RUNX2: variants seen among roughly 807,000 people sequenced by gnomAD.
RUNX2 encodes the protein runt-related transcription factor 2.
RUNX2 carries 10 observed loss-of-function variants against 51.7 expected under a neutral mutation model. The observed-to-expected ratio is 0.19, with a 90% CI of 0.12 to 0.33. The LOEUF (loss-of-function observed/expected upper bound fraction) is 0.33. Ranked by LOEUF, RUNX2 falls within the 10% of genes least tolerant of loss-of-function variation. The probability of loss-of-function intolerance (pLI) is 1.00; values close to 1 mark genes in which losing one functional copy is unlikely to be tolerated. For missense variants in RUNX2, 562 were observed against 691.3 expected (o/e 0.81, Z 2.10); for synonymous variants, 276 against 273.6 (o/e 1.01, Z -0.09).
At chr6:45,394,399 A>G (rs1354621962) in intron 2 of RUNX2, among the ~76,000 whole-genome samples, 1 of 152,166 alleles carries the variant, frequency 6.6e-6, no homozygotes, top group Non-Finnish European at 1.5e-5. Context: ...GCCATATCAA[A>G]TGTCCTCTAG....
chr6:45,545,435 A>G (rs959988268), intron 8 of RUNX2, among the ~76,000 whole-genome samples, 153 bp downstream of exon 8: 1 of 152,218 alleles, frequency 6.6e-6, no homozygotes, highest in African/African-American at 2.4e-5. Flanking sequence ...TAACCCTTGC[A>G]TTTTGTGAAG....
chr6:45,389,200 A>G (rs1192572522), intron 2 of RUNX2, among the ~76,000 whole-genome samples: 1 of 152,268 alleles, frequency 6.6e-6, no homozygotes, highest in African/African-American at 2.4e-5. Flanking sequence ...TTTCTCTTCA[A>G]TAGAACACAT....
chr6:45,355,154 T>TA (rs1220060302), intron 2 of RUNX2, among the ~76,000 whole-genome samples: 2 of 150,454 alleles, frequency 1.3e-5, no homozygotes, highest in African/African-American at 2.4e-5. Context: ...TTTTTTTTTT[T>TA]AGAGATGGGG....
intron 2 of RUNX2, among the ~76,000 whole-genome samples, chr6:45,389,903 G>T (rs1313112091): frequency 6.6e-6 from 1 of 151,988 alleles, no homozygotes; most frequent in Admixed American, 6.6e-5. Flanking sequence ...CTGCTTGGGA[G>T]GTTGAGGCAC....
At chr6:45,362,531 A>T (rs1470865324) in intron 2 of RUNX2, among the ~76,000 whole-genome samples, 1 of 152,216 alleles carries the variant, frequency 6.6e-6, no homozygotes, top group African/African-American at 2.4e-5. Context: ...TACAATCAAA[A>T]GCCTAAAAAT....
chr6:45,540,367 T>C (rs1196309365), intron 7 of RUNX2, among the ~76,000 whole-genome samples: 4 of 152,162 alleles, frequency 2.6e-5, no homozygotes, highest in Non-Finnish European at 5.9e-5. Flanking sequence ...TTTCATAGAA[T>C]GCAGATCTCA....
intron 5 of RUNX2, among the ~76,000 whole-genome samples, chr6:45,451,355 T>C (rs1799165578): frequency 6.6e-6 from 1 of 152,202 alleles, no homozygotes; most frequent in Non-Finnish European, 1.5e-5. Flanking sequence ...AGCTGTAGGC[T>C]ACCTATATAA....
rs1158008972 is a variant in RUNX2, at chr6:45,492,019, C to A, written c.764C>A (p.Pro255His). The A allele has an allele frequency of 2.5e-6, 4 of 1,613,892 alleles. No homozygotes were observed. The highest frequency in any genetic ancestry group is 3.4e-6 in the Non-Finnish European group (4 of 1,179,918). Reference sequence around the variant, plus strand: ...AGTGATTTAGGGCGCATTCCTCATCCCAGTATGAGAGTAGGTGTCCCGCCT... The same window carrying A: ...AGTGATTTAGGGCGCATTCCTCATCACAGTATGAGAGTAGGTGTCCCGCCT... ...RLSDLGRIPH[P>H]SMRVGVPPQN... The change falls in exon 6 of 9, where the codon CCC (proline) becomes CAC (histidine). Residue 255 changes from proline (P) to histidine (H), a missense_variant. Physicochemically the swap from Pro to His is moderately conservative, Grantham distance 77. Coordinates refer to ENST00000647337, the MANE Select transcript of RUNX2 (RefSeq NM_001024630.4).
chr6:45,478,409 T>C (rs1439562990), intron 5 of RUNX2, among the ~76,000 whole-genome samples: 1 of 152,196 alleles, frequency 6.6e-6, no homozygotes, highest in Non-Finnish European at 1.5e-5. Context: ...ATACTTTGTT[T>C]TTTTCTGACA....
chr6:45,403,120 TAA>T (rs1224271727), intron 2 of RUNX2, among the ~76,000 whole-genome samples: 5 of 151,968 alleles, frequency 3.3e-5, no homozygotes, highest in Admixed American at 2.6e-4. Context: ...TTCATTACAT[TAA>T]GTTTGTTATT....
rs767115139 is a variant in RUNX2, at chr6:45,328,398, T to C, written c.-129T>C. On this transcript the variant is annotated 5_prime_UTR_variant, in exon 1 of 9. Transcript: ENST00000647337. ...CTTTCTCCAGGAGGACAGCAAGAAG[T>C]CTCTGGTTTTTAAATGGTTAATCTC... The C allele has an allele frequency of 7.1e-7, 1 of 1,410,096 alleles. No homozygotes were observed. Among genetic ancestry groups the C allele is most frequent in the South Asian group, 1.1e-5 (1 of 88,384 alleles). 87.3% of individuals were successfully genotyped at this position (1,410,096 alleles called of 1,614,324 possible).
intron 5 of RUNX2, among the ~76,000 whole-genome samples, chr6:45,443,148 G>C (rs1354524742): frequency 6.8e-6 from 1 of 147,324 alleles, no homozygotes; most frequent in Admixed American, 7.0e-5. Flanking sequence ...CTGGGCTCAA[G>C]TGATCCATCC....
chr6:45,508,795 C>T (rs1043078483), intron 6 of RUNX2, among the ~76,000 whole-genome samples: 11 of 152,258 alleles, frequency 7.2e-5, no homozygotes, highest in Admixed American at 3.3e-4. Flanking sequence ...TAAAACCTCA[C>T]GATATAAACC....
intron 5 of RUNX2, among the ~76,000 whole-genome samples, chr6:45,484,159 ACT>A (rs1800199676): frequency 6.6e-6 from 1 of 152,040 alleles, no homozygotes; most frequent in Non-Finnish European, 1.5e-5. Flanking sequence ...CCAGGCTGCT[ACT>A]CTGTTGTATT....
chr6:45,487,810 G>A (rs531256377), intron 5 of RUNX2, among the ~76,000 whole-genome samples: 2 of 152,262 alleles, frequency 1.3e-5, no homozygotes, highest in African/African-American at 4.8e-5. Context: ...AAGACAGAGG[G>A]CTCATTCTCA....
intron 7 of RUNX2, among the ~76,000 whole-genome samples, chr6:45,537,059 T>G (rs1331768498): frequency 6.6e-6 from 1 of 152,210 alleles, no homozygotes; most frequent in Non-Finnish European, 1.5e-5. Context: ...AGGATGGAAA[T>G]GTTTGCTATT....
At chr6:45,491,852 C>A in intron 5 of RUNX2, 89 bp from the exon 6 acceptor site, 3 of 1,333,344 alleles carry the variant, frequency 2.2e-6, no homozygotes, top group East Asian at 2.3e-5. Flanking sequence ...TTGGCTTAAA[C>A]TCCCAGTTTG....
chr6:45,442,715 G>T (rs1798876118), intron 5 of RUNX2, among the ~76,000 whole-genome samples: 1 of 152,128 alleles, frequency 6.6e-6, no homozygotes, highest in South Asian at 2.1e-4. Context: ...ATGATTCTGT[G>T]GGTTGATTGG....
chr6:45,528,598 G>T (rs922684521), intron 7 of RUNX2, among the ~76,000 whole-genome samples: 2 of 152,008 alleles, frequency 1.3e-5, no homozygotes, highest in African/African-American at 4.8e-5. Context: ...TCCAGCCTGG[G>T]TGACAGAGGG....
Sources: gnomAD v4.1 joint callset for allele counts (sites outside exome capture counted in the v4.1 genomes callset) on GRCh38, gnomAD v4.1.1 for gene constraint, MANE v1.5 for transcripts, NCBI Gene and HGNC (gene_info 2026-07-23, HGNC 2026-07-21) for gene names.